TMEM87B: variants seen among roughly 807,000 people sequenced by gnomAD.
TMEM87B encodes the protein transmembrane protein 87B.
A neutral mutation model predicts 80.3 loss-of-function variants in TMEM87B; 83 were observed. The observed-to-expected ratio is 1.03, with a 90% CI of 0.87 to 1.24. The LOEUF is 1.24. TMEM87B is among the 50% of genes most tolerant of loss of function. The pLI is 0.00. For missense variants in TMEM87B, 625 were observed against 674.4 expected (o/e 0.93, Z 0.81); for synonymous variants, 219 against 230.5 (o/e 0.95, Z 0.45).
intron 14 of TMEM87B, 142 bp from the exon 15 acceptor site, chr2:112,100,480 A>G (rs1679599106): frequency 1.8e-6 from 1 of 541,846 alleles, no homozygotes; most frequent in African/African-American, 2.0e-5. Flanking sequence ...CTAATTTGAA[A>G]GTAAAATAAT....
chr2:112,089,151 G>C (rs1392375352), intron 9 of TMEM87B, among the ~76,000 whole-genome samples: 1 of 152,216 alleles, frequency 6.6e-6, no homozygotes, highest in Non-Finnish European at 1.5e-5. Flanking sequence ...TGATCAGAAA[G>C]GAGGTCATGG....
intron 4 of TMEM87B, among the ~76,000 whole-genome samples, chr2:112,074,250 A>G (rs576595522): frequency 6.6e-6 from 1 of 152,242 alleles, no homozygotes; most frequent in East Asian, 1.9e-4. Flanking sequence ...GAGCTCTTGT[A>G]AGGCAGGTCT....
chr2:112,061,715 T>C (rs1678264524), intron 2 of TMEM87B, among the ~76,000 whole-genome samples: 1 of 152,220 alleles, frequency 6.6e-6, no homozygotes, highest in South Asian at 2.1e-4. Flanking sequence ...TCATTACAAA[T>C]GCCTGAGATC....
chr2:112,070,550 C>T (rs750578621), intron 4 of TMEM87B, among the ~76,000 whole-genome samples: 22 of 152,110 alleles, frequency 1.4e-4, no homozygotes, highest in Non-Finnish European at 2.4e-4. Context: ...GTTTTTGTAC[C>T]AGTACCATGC....
At chr2:112,111,889 A>G (rs78911768) in intron 17 of TMEM87B, among the ~76,000 whole-genome samples, 1,757 of 152,316 alleles carry the variant, frequency 0.012, 37 homozygotes, top group African/African-American at 0.04. Flanking sequence ...AGTTTTAAGT[A>G]GTCATTAACG....
Position 112,117,906 on chromosome 2 carries a change from T to G in TMEM87B, c.*1763T>G, listed in dbSNP as rs1680067172. ...TATTGGGCTTGCAGGCAGTAGGAGC[T>G]GCAAATCTGGTAGAGTGGGAGTGTG... On this transcript the variant is annotated 3_prime_UTR_variant, in exon 19 of 19. Transcript: ENST00000283206. The G allele has an allele frequency of 6.6e-6, 1 of 152,168 alleles. No homozygotes were observed. Among genetic ancestry groups the G allele is most frequent in the South Asian group, 2.1e-4 (1 of 4,828 alleles). 9.4% of individuals were successfully genotyped at this position (152,168 alleles called of 1,614,324 possible).
chr2:112,085,694 A>G (rs1298423707), intron 8 of TMEM87B, among the ~76,000 whole-genome samples: 2 of 152,256 alleles, frequency 1.3e-5, no homozygotes, highest in Non-Finnish European at 2.9e-5. Context: ...TTAAATATTT[A>G]CAGGACAAGA....
intron 5 of TMEM87B, among the ~76,000 whole-genome samples, chr2:112,076,522 T>C (rs1217955060): frequency 6.6e-6 from 1 of 151,962 alleles, no homozygotes; most frequent in Non-Finnish European, 1.5e-5. Flanking sequence ...GTATTTTTAG[T>C]AGAGACAGGG....
At chr2:112,077,365 G>A in intron 6 of TMEM87B, 83 bp downstream of exon 6, 1 of 594,220 alleles carries the variant, frequency 1.7e-6, no homozygotes, top group Non-Finnish European at 2.9e-6. Context: ...AACATTCTCT[G>A]TTTCAAATAC....
intron 6 of TMEM87B, among the ~76,000 whole-genome samples, chr2:112,080,140 G>T (rs1026309263): frequency 1.9e-4 from 29 of 151,746 alleles, no homozygotes; most frequent in Admixed American, 1.7e-3. Flanking sequence ...TGTTGGTCAG[G>T]CTGGTCTCGA....
At chr2:112,069,834 G>T (rs112930837) in intron 4 of TMEM87B, among the ~76,000 whole-genome samples, 1 of 152,052 alleles carries the variant, frequency 6.6e-6, no homozygotes, top group African/African-American at 2.4e-5. Context: ...GCCAGCATCT[G>T]TTATTTTTTG....
In TMEM87B at chr2:112,097,224, G is replaced by A. The variant is rs998852957; in HGVS notation, c.1214-9G>A. The A allele has an allele frequency of 6.2e-7, 1 of 1,604,950 alleles. No individual in the cohort carries two copies. The highest frequency in any genetic ancestry group is 8.5e-7 in the Non-Finnish European group (1 of 1,177,810). On this transcript the variant is annotated splice_polypyrimidine_tract_variant and intron_variant, in intron 12 of 18. Transcript: ENST00000283206. ...TATTCCTTCAAAGGTGACTTTTTGT[G>A]TGTTTCAGCTTCTATAGTGTTTATG...
chr2:112,068,106 C>G (rs1678493695), intron 4 of TMEM87B, among the ~76,000 whole-genome samples: 1 of 152,086 alleles, frequency 6.6e-6, no homozygotes, highest in Non-Finnish European at 1.5e-5. Flanking sequence ...CCCAGCCACT[C>G]AGGAGGTTGA....
chr2:112,066,934 A>G lies in TMEM87B; in HGVS notation c.319-2A>G, dbSNP rs1463886581. On this transcript the variant is annotated splice_acceptor_variant, in intron 3 of 18. Coordinates refer to ENST00000283206, the MANE Select transcript of TMEM87B (RefSeq NM_032824.3). LOFTEE classifies it high-confidence loss of function. ...TATAACATAGAATTTTACCTTATAT[A>G]GGAGCTGTTCCAAAAACATAAACTT... The G allele has an allele frequency of 4.4e-6, 7 of 1,593,732 alleles. No individual in the cohort carries two copies. The Admixed American group carries it at 1.3e-4, about 29-fold the overall frequency.
intron 6 of TMEM87B, 25 bp downstream of exon 6, chr2:112,077,307 T>TA: frequency 1.6e-6 from 2 of 1,264,406 alleles, no homozygotes; most frequent in Non-Finnish European, 2.2e-6. Flanking sequence ...CATGCATGTT[T>TA]ACTGTCTGCA....
At chr2:112,056,514 T>C (rs1417431249) in intron 1 of TMEM87B, among the ~76,000 whole-genome samples, 1 of 152,072 alleles carries the variant, frequency 6.6e-6, no homozygotes. Flanking sequence ...GGCAGAATTA[T>C]GGAAAGTCTT....
intron 1 of TMEM87B, among the ~76,000 whole-genome samples, chr2:112,058,632 A>G (rs1054659998): frequency 6.6e-6 from 1 of 152,192 alleles, no homozygotes; most frequent in African/African-American, 2.4e-5. Context: ...TAGCTACTTT[A>G]GGATGTGAAT....
At chr2:112,055,801 C>T (rs768970776) in intron 1 of TMEM87B, 45 bp downstream of exon 1, 12 of 1,448,056 alleles carry the variant, frequency 8.3e-6, no homozygotes, top group East Asian at 2.7e-5. Flanking sequence ...CTCGGGCCGT[C>T]AGGGCCGTCG....
chr2:112,073,965 T>C (rs561057840), intron 4 of TMEM87B, among the ~76,000 whole-genome samples: 4 of 152,336 alleles, frequency 2.6e-5, no homozygotes, highest in Admixed American at 2.6e-4. Flanking sequence ...TCTCCAACCC[T>C]TTATTTTGAG....
Sources: gnomAD v4.1 joint callset for allele counts (sites outside exome capture counted in the v4.1 genomes callset) on GRCh38, gnomAD v4.1.1 for gene constraint, MANE v1.5 for transcripts, NCBI Gene and HGNC (gene_info 2026-07-23, HGNC 2026-07-21) for gene names.